The following MBNL2 variants were observed in gnomAD, a reference collection of about 807,000 sequenced individuals.
The protein encoded by MBNL2 is muscleblind-like protein 2.
In MBNL2, 17 loss-of-function variants were observed where a neutral mutation model predicts 41.9. The ratio of observed to expected loss-of-function variants is 0.41; its 90% CI spans 0.28 to 0.61. The LOEUF (loss-of-function observed/expected upper bound fraction) is 0.61, where lower values mean the gene tolerates loss of function less well. Among genes scored for constraint, MBNL2 ranks in the 20% least tolerant of loss-of-function variants. The pLI is 0.35. For synonymous variants in MBNL2, 195 were observed against 182.9 expected (o/e 1.07, Z -0.53); for missense variants, 336 against 505.6 (o/e 0.66, Z 3.22).
intron 1 of MBNL2, among the ~76,000 whole-genome samples, chr13:97,273,449 T>C (rs2051509609): frequency 6.6e-6 from 1 of 152,200 alleles, no homozygotes; most frequent in South Asian, 2.1e-4. Flanking sequence ...TAGCTTAGGC[T>C]AGCTGATATT....
chr13:97,173,623 C>T, the MBNL2 span, among the ~76,000 whole-genome samples: 3 of 152,188 alleles, frequency 2.0e-5, no homozygotes, highest in Admixed American at 6.5e-5. Flanking sequence ...TGTCACTCCT[C>T]CTCTTTAAGT....
intron 3 of MBNL2, among the ~76,000 whole-genome samples, chr13:97,335,183 G>C (rs1181559794): frequency 6.6e-6 from 1 of 152,120 alleles, no homozygotes; most frequent in Non-Finnish European, 1.5e-5. Context: ...CTTCCTTAAA[G>C]GTCTGGAAAT....
chr13:97,340,552 A>G (rs199876553), intron 3 of MBNL2, among the ~76,000 whole-genome samples: 1 of 152,184 alleles, frequency 6.6e-6, no homozygotes, highest in East Asian at 1.9e-4. Flanking sequence ...ACCATGGGAA[A>G]TGGGAGTGCA....
chr13:97,285,544 T>C (rs2054252795), intron 2 of MBNL2, among the ~76,000 whole-genome samples: 1 of 152,232 alleles, frequency 6.6e-6, no homozygotes, highest in East Asian at 1.9e-4. Context: ...AATTTTGATG[T>C]GATGTTTCCC....
At chr13:97,204,054 G>A in the MBNL2 span, among the ~76,000 whole-genome samples, 1 of 152,208 alleles carries the variant, frequency 6.6e-6, no homozygotes, top group Admixed American at 6.5e-5. Context: ...TCCTTTTTAA[G>A]TGGCAAAGGC....
At chr13:97,178,155 G>A in the MBNL2 span, among the ~76,000 whole-genome samples, 2 of 152,156 alleles carry the variant, frequency 1.3e-5, no homozygotes, top group Non-Finnish European at 2.9e-5. Flanking sequence ...AAAATGCGAG[G>A]AACATAGCAC....
At chr13:97,189,570 ATATG>A in the MBNL2 span, among the ~76,000 whole-genome samples, 1 of 152,368 alleles carries the variant, frequency 6.6e-6, no homozygotes, top group African/African-American at 2.4e-5. Context: ...GCATATACAT[ATATG>A]TATGTGTGGC....
intron 8 of MBNL2, among the ~76,000 whole-genome samples, chr13:97,368,740 A>ATG (rs539227489): frequency 1.9e-3 from 256 of 135,416 alleles, no homozygotes; most frequent in African/African-American, 6.9e-3. Context: ...GTGTCTGTGT[A>ATG]TGTGTGTGTG....
intron 2 of MBNL2, among the ~76,000 whole-genome samples, chr13:97,297,510 G>A (rs2057178647): frequency 1.3e-5 from 2 of 152,036 alleles, no homozygotes; most frequent in South Asian, 4.2e-4. Context: ...GTAAGAGTGG[G>A]TACCATGGCC....
At chr13:97,318,464 G>C (rs1478589945) in intron 2 of MBNL2, among the ~76,000 whole-genome samples, 3 of 152,160 alleles carry the variant, frequency 2.0e-5, no homozygotes, top group Non-Finnish European at 2.9e-5. Context: ...ATGTTTGTCT[G>C]AGATTTTGCA....
chr13:97,304,162 T>C (rs1208861002), intron 2 of MBNL2, among the ~76,000 whole-genome samples: 1 of 152,212 alleles, frequency 6.6e-6, no homozygotes, highest in Non-Finnish European at 1.5e-5. Context: ...ATATTTTCAA[T>C]AGAGGGGACA....
At chr13:97,168,067 G>T in the MBNL2 span, among the ~76,000 whole-genome samples, 184 of 152,180 alleles carry the variant, frequency 1.2e-3, 1 homozygote, top group African/African-American at 4.0e-3. Flanking sequence ...CCAGTTTCAC[G>T]TGATTCTCCT....
chr13:97,288,154 GA>G (rs2055046055), intron 2 of MBNL2, among the ~76,000 whole-genome samples: 1 of 151,288 alleles, frequency 6.6e-6, no homozygotes, highest in Non-Finnish European at 1.5e-5. Flanking sequence ...TTGGCAAAAA[GA>G]AAAAATAAAC....
chr13:97,263,964 T>G (rs1381017713), intron 1 of MBNL2, among the ~76,000 whole-genome samples: 1 of 151,560 alleles, frequency 6.6e-6, no homozygotes, highest in Non-Finnish European at 1.5e-5. Context: ...ATAATCGAAT[T>G]TTTCAAGAAT....
chr13:97,324,036 C>T (rs1409184144), intron 2 of MBNL2, among the ~76,000 whole-genome samples: 2 of 152,082 alleles, frequency 1.3e-5, no homozygotes, highest in African/African-American at 4.8e-5. Context: ...TTCTGTTTTT[C>T]TTGTACCCAT....
At chr13:97,314,200 G>T (rs2058843206) in intron 2 of MBNL2, among the ~76,000 whole-genome samples, 1 of 152,092 alleles carries the variant, frequency 6.6e-6, no homozygotes, top group South Asian at 2.1e-4. Context: ...TTCTAGGCAT[G>T]CTCCTGCCTC....
At chr13:97,220,320 G>T (rs1273977859), upstream of MBNL2, among the ~76,000 whole-genome samples, 1 of 152,166 alleles carries the variant, frequency 6.6e-6, no homozygotes, top group Non-Finnish European at 1.5e-5. Flanking sequence ...CATTGTTAAG[G>T]GTTTCAAAGC....
chr13:97,369,747 G>C (rs1458908817), intron 8 of MBNL2, among the ~76,000 whole-genome samples: 1 of 152,192 alleles, frequency 6.6e-6, no homozygotes, highest in Non-Finnish European at 1.5e-5. Flanking sequence ...GAATCAAGGT[G>C]CCACCAATAA....
chr13:97,339,211 GTGTA>G (rs1308568312), intron 3 of MBNL2, among the ~76,000 whole-genome samples: 2 of 138,950 alleles, frequency 1.4e-5, no homozygotes, highest in Admixed American at 1.5e-4. Context: ...GTGTGTGTGA[GTGTA>G]TGGGAGTGTG....
Sources: gnomAD v4.1 joint callset for allele counts (sites outside exome capture counted in the v4.1 genomes callset) on GRCh38, gnomAD v4.1.1 for gene constraint, MANE v1.5 for transcripts, NCBI Gene and HGNC (gene_info 2026-07-23, HGNC 2026-07-21) for gene names.